The following ACTR3C variants were observed in gnomAD, a reference collection of about 807,000 sequenced individuals.
ACTR3C encodes actin-related protein 3C.
In ACTR3C, 18 loss-of-function variants were observed where a neutral mutation model predicts 26.3. The ratio of observed to expected loss-of-function variants is 0.68; its 90% CI spans 0.47 to 1.01. The LOEUF (loss-of-function observed/expected upper bound fraction) is 1.01. Ranked by LOEUF, ACTR3C falls within the 50% of genes least tolerant of loss-of-function variation. The pLI is 0.00. For synonymous variants in ACTR3C, 55 were observed against 94.5 expected (o/e 0.58, Z 2.42); for missense variants, 184 against 250.7 (o/e 0.73, Z 1.80).
At chr7:150,110,756 G>C in the ACTR3C span, among the ~76,000 whole-genome samples, 1 of 145,060 alleles carries the variant, frequency 6.9e-6, no homozygotes, top group African/African-American at 2.6e-5. Context: ...CAGGGGGCGG[G>C]GCTTGCTGGG....
chr7:150,162,412 G>C, the ACTR3C span, among the ~76,000 whole-genome samples: 1 of 152,000 alleles, frequency 6.6e-6, no homozygotes, highest in Non-Finnish European at 1.5e-5. Flanking sequence ...TGCAACCTCT[G>C]CCTCCAGGGT....
the ACTR3C span, among the ~76,000 whole-genome samples, chr7:150,185,275 GC>G: frequency 4.1e-4 from 44 of 108,198 alleles, no homozygotes; most frequent in Middle Eastern, 4.2e-3. Context: ...TAAATGTCAG[GC>G]GTGTGTGTGT....
At chr7:150,179,179 A>G in the ACTR3C span, among the ~76,000 whole-genome samples, 10 of 144,446 alleles carry the variant, frequency 6.9e-5, no homozygotes, top group East Asian at 1.7e-3. Flanking sequence ...TTATGAAAAT[A>G]TTCTCCATGT....
the ACTR3C span, among the ~76,000 whole-genome samples, chr7:150,035,873 A>G: frequency 6.7e-5 from 9 of 134,344 alleles, no homozygotes; most frequent in Non-Finnish European, 1.5e-4. Flanking sequence ...ACCAACAGCC[A>G]GGGGCGGAAG....
the ACTR3C span, among the ~76,000 whole-genome samples, chr7:149,991,122 G>A: frequency 2.0e-5 from 3 of 152,178 alleles, no homozygotes; most frequent in Non-Finnish European, 2.9e-5. Flanking sequence ...GTAAAGGCAC[G>A]TCTTACACGG....
chr7:150,001,939 A>T, the ACTR3C span: 2 of 152,258 alleles, frequency 1.3e-5, no homozygotes, highest in Non-Finnish European at 2.9e-5. Flanking sequence ...GACCTTTGGA[A>T]ACATGCGAGA....
the ACTR3C span, among the ~76,000 whole-genome samples, chr7:150,162,536 C>G: frequency 6.6e-6 from 1 of 152,066 alleles, no homozygotes; most frequent in East Asian, 1.9e-4. Flanking sequence ...AGGCTGGTCT[C>G]GAACTCTTGA....
the ACTR3C span, among the ~76,000 whole-genome samples, chr7:150,125,225 T>TAA: frequency 7.0e-6 from 1 of 143,360 alleles, no homozygotes; most frequent in African/African-American, 2.6e-5. Context: ...TCTACCAAGT[T>TAA]AAAAAAAAAA....
the ACTR3C span, among the ~76,000 whole-genome samples, chr7:150,144,910 C>T: frequency 2.4e-4 from 36 of 151,928 alleles, no homozygotes; most frequent in East Asian, 7.7e-4. The surrounding 1 kb of genome is among the most constrained non-coding windows in gnomAD (Gnocchi z 4.6). Context: ...ATTAGCTGGG[C>T]GTGGTGGCGT....
chr7:150,180,820 C>T, the ACTR3C span, among the ~76,000 whole-genome samples: 1 of 149,192 alleles, frequency 6.7e-6, no homozygotes, highest in Non-Finnish European at 1.5e-5. Flanking sequence ...AGTAGTATAC[C>T]ATTTTAATGT....
chr7:149,920,972 G>A, the ACTR3C span, among the ~76,000 whole-genome samples: 2 of 151,630 alleles, frequency 1.3e-5, no homozygotes, highest in East Asian at 3.9e-4. Context: ...CTCCATGTTG[G>A]TCAGCTGGTC....
the ACTR3C span, among the ~76,000 whole-genome samples, chr7:150,185,276 CGTGTGTGTGTGTGTGTGTGTGTGT>C: frequency 2.1e-5 from 3 of 140,876 alleles, no homozygotes; most frequent in Non-Finnish European, 4.6e-5. Context: ...AAATGTCAGG[CGTGTGTGTGTGTGTGTGTGTGTGT>C]GTGTGTGTGT....
chr7:150,022,721 T>C, the ACTR3C span, among the ~76,000 whole-genome samples: 1 of 152,248 alleles, frequency 6.6e-6, no homozygotes, highest in East Asian at 1.9e-4. Context: ...AAAGATTAAA[T>C]GAATTTATAT....
the ACTR3C span, among the ~76,000 whole-genome samples, chr7:150,136,777 C>T: frequency 1.3e-5 from 2 of 152,164 alleles, no homozygotes; most frequent in African/African-American, 4.8e-5. Flanking sequence ...CATCAGTCAC[C>T]TCTGCTGCGA....
the ACTR3C span, among the ~76,000 whole-genome samples, chr7:150,127,646 A>C: frequency 6.6e-6 from 1 of 152,252 alleles, no homozygotes. Context: ...GAAAGCAGAA[A>C]AACATATCCG....
chr7:149,899,894 T>A, the ACTR3C span, among the ~76,000 whole-genome samples: 40 of 47,596 alleles, frequency 8.4e-4, no homozygotes, highest in South Asian at 3.8e-3. Context: ...TTCTAAAAAC[T>A]AAAGACCAAA....
At chr7:150,095,653 C>T in the ACTR3C span, among the ~76,000 whole-genome samples, 7 of 149,196 alleles carry the variant, frequency 4.7e-5, no homozygotes, top group Middle Eastern at 3.4e-3. Context: ...CTGATTGTAC[C>T]CTCATTTTCA....
the ACTR3C span, among the ~76,000 whole-genome samples, chr7:150,069,746 G>A: frequency 2.0e-5 from 3 of 152,158 alleles, no homozygotes; most frequent in African/African-American, 7.2e-5. Flanking sequence ...GGGGGCTTAT[G>A]TTATTTTGTG....
the ACTR3C span, among the ~76,000 whole-genome samples, chr7:150,078,426 C>A: frequency 6.7e-6 from 1 of 148,900 alleles, no homozygotes. Flanking sequence ...TAATTTATTA[C>A]TTTTTCCATC....
Sources: gnomAD v4.1 joint callset for allele counts (sites outside exome capture counted in the v4.1 genomes callset) on GRCh38, gnomAD v4.1.1 for gene constraint, Gnocchi (gnomAD v3.1) non-coding constraint, MANE v1.5 for transcripts, NCBI Gene and HGNC (gene_info 2026-07-23, HGNC 2026-07-21) for gene names.